Variants in ABCB5 observed in about 807,000 individuals in gnomAD.
ABCB5 encodes the protein ATP-binding cassette sub-family B member 5.
Under a neutral mutation model 144.2 loss-of-function variants are expected in ABCB5, and 155 were observed. That is an observed-to-expected ratio of 1.08 (90% CI 0.94 to 1.23). The LOEUF is 1.23. Among genes scored for constraint, ABCB5 ranks in the 50% most tolerant of loss-of-function variants. ABCB5 has a pLI of 0.00. For synonymous variants in ABCB5, 610 were observed against 528.6 expected, an observed-to-expected ratio of 1.15 and a Z score of -2.11; for missense variants, 1,830 against 1,520.8, an observed-to-expected ratio of 1.20 and a Z score of -3.38.
At chr7:20,741,640 C>G (rs924801543) in intron 24 of ABCB5, among the ~76,000 whole-genome samples, 1 of 151,840 alleles carries the variant, frequency 6.6e-6, no homozygotes, top group Admixed American at 6.6e-5. Flanking sequence ...AAAATAATAT[C>G]ATAAAATTTT....
chr7:20,742,586 C>T (rs1370836943), intron 24 of ABCB5, among the ~76,000 whole-genome samples: 1 of 152,140 alleles, frequency 6.6e-6, no homozygotes, highest in Non-Finnish European at 1.5e-5. Flanking sequence ...GGTCAAACAA[C>T]CAACTGCGGA....
At chr7:20,730,093 C>T (rs1782160177) in intron 23 of ABCB5, among the ~76,000 whole-genome samples, 1 of 152,228 alleles carries the variant, frequency 6.6e-6, no homozygotes, top group Non-Finnish European at 1.5e-5. Context: ...GATAAGAAAA[C>T]AGTCCAGAGT....
At chr7:20,724,378 A>G (rs1395714151) in intron 21 of ABCB5, among the ~76,000 whole-genome samples, 1 of 152,026 alleles carries the variant, frequency 6.6e-6, no homozygotes, top group Non-Finnish European at 1.5e-5. Flanking sequence ...CTGTAATCCC[A>G]GAACTTTGGG....
chr7:20,618,676 G>A (rs1367193829), intron 1 of ABCB5, among the ~76,000 whole-genome samples: 1 of 138,604 alleles, frequency 7.2e-6, no homozygotes, highest in African/African-American at 2.7e-5. Flanking sequence ...TTGGTTTTCT[G>A]TTTCCATGTT....
chr7:20,667,668 T>TCTGCCCCTGCCCCTGCCC (rs11274355), intron 14 of ABCB5: 29 of 497,276 alleles, frequency 5.8e-5, no homozygotes, highest in Middle Eastern at 1.0e-3. Context: ...AACATTCGCC[T>TCTGCCCCTGCCCCTGCCC]CTGCCCCTGC....
At chr7:20,659,709 G>C in intron 14 of ABCB5, 2 of 986,992 alleles carry the variant, frequency 2.0e-6, no homozygotes, top group Non-Finnish European at 2.4e-6. Flanking sequence ...ACTAGGACAG[G>C]GATCTGTATT....
chr7:20,735,871 T>C (rs143231424), intron 23 of ABCB5, among the ~76,000 whole-genome samples: 1 of 152,352 alleles, frequency 6.6e-6, no homozygotes, highest in Non-Finnish European at 1.5e-5. Context: ...CCTCATTCAT[T>C]GACTGATAAG....
chr7:20,675,531 A>G (rs768816211), intron 14 of ABCB5, among the ~76,000 whole-genome samples: 2 of 152,054 alleles, frequency 1.3e-5, no homozygotes, highest in Non-Finnish European at 2.9e-5. Context: ...GAAACTGTAA[A>G]ACTTAAAATG....
chr7:20,628,549 A>C, intron 3 of ABCB5, 139 bp from the exon 4 acceptor site: 1 of 766,818 alleles, frequency 1.3e-6, no homozygotes, highest in Non-Finnish European at 2.0e-6. Flanking sequence ...CTATGATTTT[A>C]TGCACTTATT....
Position 20,755,516 on chromosome 7 carries a change from G to C in ABCB5, c.3666G>C (p.Leu1222Phe). 1 of 1,614,134 alleles carries C rather than the reference G, an allele frequency of 6.2e-7. No individual in the cohort carries two copies. ...HRLSAIQNAD[L>F]IVVLHNGKIK... is the part of the protein sequence containing the mutation. ...TCTCTGCAATTCAGAACGCAGATTT[G>C]ATAGTGGTTCTGCACAATGGAAAGA... is the stretch of plus-strand genomic sequence containing the variant. Residue 1222 changes from leucine to phenylalanine, a missense_variant, in exon 28 of 28, where the codon TTG becomes TTC. Coordinates refer to ENST00000404938, the MANE Select transcript of ABCB5 (RefSeq NM_001163941.2).
At chr7:20,748,895 T>A (rs1206256569) in intron 26 of ABCB5, among the ~76,000 whole-genome samples, 1 of 152,190 alleles carries the variant, frequency 6.6e-6, no homozygotes, top group Non-Finnish European at 1.5e-5. Context: ...TCATTTTAAT[T>A]CTCTCCAAGA....
intron 5 of ABCB5, among the ~76,000 whole-genome samples, chr7:20,637,203 C>G (rs1784178007): frequency 1.3e-5 from 2 of 152,204 alleles, no homozygotes; most frequent in South Asian, 2.1e-4. Flanking sequence ...TAATCAGGAA[C>G]TAAAGAATTC....
intron 20 of ABCB5, among the ~76,000 whole-genome samples, chr7:20,717,629 A>G (rs1159767286): frequency 1.3e-5 from 2 of 151,274 alleles, no homozygotes; most frequent in Non-Finnish European, 2.9e-5. Flanking sequence ...AGTAGAGATG[A>G]GGTTTCACCA....
At chr7:20,703,501 A>G (rs1488619452) in intron 19 of ABCB5, among the ~76,000 whole-genome samples, 1 of 152,204 alleles carries the variant, frequency 6.6e-6, no homozygotes, top group African/African-American at 2.4e-5. Context: ...CCTCCATAAA[A>G]GTTTTCATCT....
intron 20 of ABCB5, among the ~76,000 whole-genome samples, chr7:20,719,272 T>C (rs995467892): frequency 5.9e-5 from 9 of 152,190 alleles, no homozygotes; most frequent in Admixed American, 5.9e-4. Flanking sequence ...ACTTTATGTT[T>C]CAGCTTATTG....
chr7:20,668,507 G>A (rs1274577921), intron 14 of ABCB5, among the ~76,000 whole-genome samples: 4 of 151,972 alleles, frequency 2.6e-5, no homozygotes. Context: ...TCTGAGAAGT[G>A]AGGAGCCCCT....
intron 14 of ABCB5, among the ~76,000 whole-genome samples, chr7:20,678,635 AAAAC>A (rs1246738524): frequency 1.5e-4 from 15 of 101,680 alleles, no homozygotes; most frequent in South Asian, 9.3e-4. Context: ...AACAAAAACA[AAAAC>A]AAAAAAAAAC....
chr7:20,755,365 A>G lies in ABCB5; in HGVS notation c.3577-62A>G, dbSNP rs1783055317. On this transcript the variant is annotated intron_variant, in intron 27 of 27. Transcript: ENST00000404938. The stretch of plus-strand genomic sequence containing the variant: ...TTATTAGACTACCTTAATTGATTTG[A>G]CTTAGGTAAGTTTACTAACATCTAA... The G allele has an allele frequency of 2.7e-6, 4 of 1,486,842 alleles. No homozygotes were observed. In the East Asian group the frequency reaches 9.1e-5, roughly 34 times the overall value. The allele number at this position is 1,486,842 out of a possible 1,614,324, so 92.1% of individuals were successfully genotyped here. A position where few individuals can be genotyped will look rare whatever the true frequency, so the allele number is the denominator to read the frequency against.
chr7:20,666,955 C>G, intron 14 of ABCB5: 2 of 1,070,778 alleles, frequency 1.9e-6, no homozygotes, highest in East Asian at 2.9e-5. Flanking sequence ...TGTTTTAAGT[C>G]TGAAGCAATT....
Sources: allele counts gnomAD v4.1 joint callset (sites outside exome capture counted in the v4.1 genomes callset), GRCh38; gene constraint gnomAD v4.1.1; transcripts MANE v1.5; gene names NCBI Gene and HGNC (gene_info 2026-07-23, HGNC 2026-07-21).